The following SNAP91 variants were observed in gnomAD, a reference collection of about 807,000 sequenced individuals.
SNAP91 encodes synaptosome associated protein 91, also known as clathrin coat assembly protein AP180.
A neutral mutation model predicts 100.3 loss-of-function variants in SNAP91; 27 were observed. The observed-to-expected ratio is 0.27, with a 90% CI of 0.20 to 0.37. SNAP91 has a LOEUF of 0.37. Ranked by LOEUF, SNAP91 falls within the 10% of genes least tolerant of loss-of-function variation. SNAP91 has a pLI of 1.00. For missense variants in SNAP91, 986 were observed against 1,123.7 expected, an observed-to-expected ratio of 0.88 and a Z score of 1.75; for synonymous variants, 404 against 398.6, an observed-to-expected ratio of 1.01 and a Z score of -0.16.
At chr6:83,625,707 T>C (rs1268567500) in intron 8 of SNAP91, among the ~76,000 whole-genome samples, 1 of 152,168 alleles carries the variant, frequency 6.6e-6, no homozygotes, top group Non-Finnish European at 1.5e-5. Context: ...TTCATGTCCT[T>C]GGCCCACTTT....
chr6:83,708,022 C>A, intron 1 of SNAP91, 65 bp from the exon 2 acceptor site: 1 of 1,382,232 alleles, frequency 7.2e-7, no homozygotes, highest in African/African-American at 1.5e-5. Context: ...AGCACCCAGG[C>A]CTTGCCTCCT....
chr6:83,655,300 A>G (rs2098368963), intron 7 of SNAP91, among the ~76,000 whole-genome samples: 1 of 152,220 alleles, frequency 6.6e-6, no homozygotes, highest in Non-Finnish European at 1.5e-5. Context: ...GGACATGTGT[A>G]TGTGCTGCTC....
intron 8 of SNAP91, among the ~76,000 whole-genome samples, chr6:83,628,769 A>G (rs934040629): frequency 1.1e-4 from 16 of 151,478 alleles, no homozygotes; most frequent in Non-Finnish European, 1.9e-4. Context: ...TTAGTCCTTT[A>G]TCAGATGTAT....
intron 28 of SNAP91, among the ~76,000 whole-genome samples, chr6:83,556,572 C>T (rs1273186010): frequency 5.9e-5 from 9 of 152,000 alleles, no homozygotes; most frequent in Non-Finnish European, 1.2e-4. Flanking sequence ...TCAGATTTAG[C>T]CAAAGTAAAA....
At chr6:83,686,413 A>G (rs932792914) in intron 2 of SNAP91, among the ~76,000 whole-genome samples, 1 of 152,222 alleles carries the variant, frequency 6.6e-6, no homozygotes, top group Non-Finnish European at 1.5e-5. Flanking sequence ...TCAAGGGTAG[A>G]GTGTAAGGAG....
chr6:83,586,070 G>C (rs2092542431), intron 22 of SNAP91, among the ~76,000 whole-genome samples: 1 of 152,058 alleles, frequency 6.6e-6, no homozygotes, highest in East Asian at 1.9e-4. Context: ...GGATGGTCTC[G>C]ATCTCCTGAC....
At chr6:83,577,094 A>C (rs1330906681) in intron 24 of SNAP91, among the ~76,000 whole-genome samples, 2 of 152,240 alleles carry the variant, frequency 1.3e-5, no homozygotes, top group South Asian at 2.1e-4. Context: ...TAGGATAAAC[A>C]TGGGGCCAGA....
At chr6:83,686,352 C>T (rs1562668321) in intron 2 of SNAP91, 2 of 209,038 alleles carry the variant, frequency 9.6e-6, no homozygotes, top group African/African-American at 4.8e-5. Flanking sequence ...CAATAAAATT[C>T]ACTACTTAGT....
intron 2 of SNAP91, chr6:83,678,773 C>T (rs779964916): frequency 2.3e-6 from 3 of 1,289,426 alleles, no homozygotes; most frequent in Admixed American, 4.6e-5. Context: ...TTACCAAAGC[C>T]TTACTGTTAT....
chr6:83,559,621 C>T (rs1784035274), intron 28 of SNAP91, among the ~76,000 whole-genome samples: 1 of 152,138 alleles, frequency 6.6e-6, no homozygotes, highest in African/African-American at 2.4e-5. Flanking sequence ...GTCCTGGGGA[C>T]TCACAAATAT....
chr6:83,616,867 C>A, intron 10 of SNAP91, 102 bp downstream of exon 10: 2 of 770,972 alleles, frequency 2.6e-6, no homozygotes, highest in Non-Finnish European at 4.0e-6. Context: ...CAAAGCATAC[C>A]CTAAAACTAG....
intron 21 of SNAP91, among the ~76,000 whole-genome samples, chr6:83,591,991 T>C (rs1158757216): frequency 1.3e-5 from 2 of 152,212 alleles, no homozygotes; most frequent in Admixed American, 6.5e-5. Flanking sequence ...TAGCAAAACA[T>C]TATAAATAAA....
chr6:83,557,328 TACTG>T (rs1173306775), intron 28 of SNAP91, among the ~76,000 whole-genome samples: 17 of 152,238 alleles, frequency 1.1e-4, no homozygotes, highest in African/African-American at 2.4e-4. Context: ...GTCCAGAAAC[TACTG>T]ACTAATTATA....
chr6:83,665,324 A>G, intron 3 of SNAP91, 115 bp downstream of exon 3: 2 of 1,030,696 alleles, frequency 1.9e-6, no homozygotes, highest in East Asian at 2.4e-5. Context: ...GGAACTGTGT[A>G]TTTCCTTTTC....
At chr6:83,571,694 T>C (rs1398078157) in intron 26 of SNAP91, among the ~76,000 whole-genome samples, 4 of 152,202 alleles carry the variant, frequency 2.6e-5, no homozygotes, top group African/African-American at 9.7e-5. Flanking sequence ...TTTGAGTTAA[T>C]GTTAAAATGA....
At chr6:83,671,765 A>G (rs2098790573) in intron 2 of SNAP91, among the ~76,000 whole-genome samples, 1 of 152,116 alleles carries the variant, frequency 6.6e-6, no homozygotes, top group Non-Finnish European at 1.5e-5. Context: ...ATAGCAACAA[A>G]TATAAATAGT....
Position 83,658,933 on chromosome 6 carries a change from G to C in SNAP91, c.546+66C>G. 9.1e-6 allele frequency: 11 copies of C among 1,203,156 alleles called. No homozygotes were observed. The South Asian group carries it at 1.5e-4, about 16-fold the overall frequency. 74.5% of individuals were successfully genotyped at this position (1,203,156 alleles called of 1,614,324 possible). ...CCCGAGGAAATCTTTGGATTTACCT[G>C]TAGCCCATCTTCAAATGAAAGACAA... On this transcript the variant is annotated intron_variant, in intron 6 of 29. Coordinates refer to ENST00000369694, the MANE Select transcript of SNAP91 (RefSeq NM_001242792.2).
chr6:83,629,394 G>A (rs2128462299), intron 8 of SNAP91, among the ~76,000 whole-genome samples: 1 of 152,174 alleles, frequency 6.6e-6, no homozygotes. Flanking sequence ...TTCTAATTCT[G>A]TGAAGAATAG....
chr6:83,659,431 T>A, intron 5 of SNAP91, among the ~76,000 whole-genome samples: 1 of 149,762 alleles, frequency 6.7e-6, no homozygotes, highest in Non-Finnish European at 1.5e-5. Context: ...TCTTCTTTTT[T>A]TTTTTTTTTT....
Sources: allele counts gnomAD v4.1 joint callset (sites outside exome capture counted in the v4.1 genomes callset), GRCh38; gene constraint gnomAD v4.1.1; transcripts MANE v1.5; gene names NCBI Gene and HGNC (gene_info 2026-07-23, HGNC 2026-07-21).